KCNMA1: variants seen among roughly 807,000 people sequenced by gnomAD.
KCNMA1 encodes potassium calcium-activated channel subfamily M alpha 1, also known as Calcium-activated potassium channel subunit alpha-1.
KCNMA1 carries 29 observed loss-of-function variants against 140.0 expected under a neutral mutation model. The ratio of observed to expected loss-of-function variants is 0.21; its 90% CI spans 0.15 to 0.28. The LOEUF (loss-of-function observed/expected upper bound fraction) is 0.28. KCNMA1 is among the 10% of genes least tolerant of loss of function. KCNMA1 has a pLI of 1.00. For synonymous variants in KCNMA1, 612 were observed against 611.9 expected (o/e 1.00, Z 0.00); for missense variants, 880 against 1,602.2 (o/e 0.55, Z 7.70).
intron 3 of KCNMA1, among the ~76,000 whole-genome samples, chr10:77,187,479 T>C (rs1408357653): frequency 6.6e-6 from 1 of 152,238 alleles, no homozygotes; most frequent in Non-Finnish European, 1.5e-5. Context: ...TCCTTTTCTC[T>C]AATCCTTTCA....
At chr10:77,017,087 A>T (rs1375607881) in intron 17 of KCNMA1, among the ~76,000 whole-genome samples, 1 of 152,200 alleles carries the variant, frequency 6.6e-6, no homozygotes, top group African/African-American at 2.4e-5. Context: ...TGTATTTGTG[A>T]ATACCATAAA....
intron 8 of KCNMA1, among the ~76,000 whole-genome samples, chr10:77,109,434 A>G (rs1173674949): frequency 2.0e-5 from 3 of 152,196 alleles, no homozygotes; most frequent in African/African-American, 2.4e-5. Flanking sequence ...AAAATGAGCT[A>G]CTTTGAAAGA....
chr10:77,291,295 T>C (rs1022944095), intron 2 of KCNMA1, among the ~76,000 whole-genome samples: 3 of 152,190 alleles, frequency 2.0e-5, no homozygotes, highest in African/African-American at 4.8e-5. Context: ...CTTACGGAAC[T>C]TTGATAAAGT....
chr10:77,545,472 G>A (rs1037637413), intron 1 of KCNMA1, among the ~76,000 whole-genome samples: 1 of 152,184 alleles, frequency 6.6e-6, no homozygotes, highest in African/African-American at 2.4e-5. Flanking sequence ...TGTGGGCTGG[G>A]TGGAGGGGTT....
chr10:76,900,897 A>T (rs773057437), intron 25 of KCNMA1, among the ~76,000 whole-genome samples: 2 of 5,328 alleles, frequency 3.8e-4, no homozygotes, highest in Non-Finnish European at 1.5e-3. Flanking sequence ...CCTATTTGTT[A>T]AAAAAAAAAA....
chr10:77,152,278 T>TTGGGTGTGTGTGTG (rs368106782), intron 5 of KCNMA1, among the ~76,000 whole-genome samples: 2 of 99,120 alleles, frequency 2.0e-5, no homozygotes, highest in Admixed American at 2.0e-4. Flanking sequence ...TTTTTTGCTT[T>TTGGGTGTGTGTGTG]TGTGTGTGTG....
rs1338686416 is a variant in KCNMA1, at chr10:77,340,722, G to A, written c.540+63140C>T. On this transcript the variant is annotated intron_variant, in intron 2 of 27. Transcript: ENST00000286628. ...ACTGGGGCCTGTCGTGGGGTCGGGG[G>A]GAGGGGGCAGGGATAGCATTAGGAG... Among the ~76,000 whole-genome samples, 11 of 151,976 alleles carry A rather than the reference G, an allele frequency of 7.2e-5. 1 individual carries two copies. In the East Asian group the frequency reaches 2.1e-3, roughly 29 times the overall value.
intron 14 of KCNMA1, among the ~76,000 whole-genome samples, chr10:77,072,515 T>G (rs2096251059): frequency 6.7e-6 from 1 of 148,560 alleles, no homozygotes; most frequent in Admixed American, 6.7e-5. Context: ...GACAAGGACA[T>G]GAACACATCC....
At chr10:76,901,875 G>A (rs1397371068) in intron 25 of KCNMA1, 1 of 152,270 alleles carries the variant, frequency 6.6e-6, no homozygotes, top group African/African-American at 2.4e-5. Context: ...TTTGCCAGCA[G>A]ATGCTTTTGC....
At position 77,306,910 on chromosome 10, in the gene KCNMA1, T is replaced by C. The variant is rs16934549; in HGVS notation, c.541-55654A>G. ...TCACTGACCTACTGGCACTTGCAAA[T>C]GCTTTGAATCCAATCTCATTAGCCA... On this transcript the variant is annotated intron_variant, in intron 2 of 27. Coordinates refer to ENST00000286628, the MANE Select transcript of KCNMA1 (RefSeq NM_001161352.2). Among the ~76,000 whole-genome samples the C allele has an allele frequency of 2.3e-3, 344 of 152,308 alleles. 1 individual carries two copies. Among genetic ancestry groups the C allele is most frequent in the African/African-American group, 8.0e-3 (333 of 41,554 alleles).
chr10:76,946,330 T>G (rs2063944602), intron 22 of KCNMA1, among the ~76,000 whole-genome samples: 1 of 152,194 alleles, frequency 6.6e-6, no homozygotes, highest in Admixed American at 6.5e-5. Context: ...GCTTCCTCTT[T>G]GCCTGTGTGG....
intron 1 of KCNMA1, among the ~76,000 whole-genome samples, chr10:77,515,070 G>C: frequency 6.6e-6 from 1 of 152,214 alleles, no homozygotes; most frequent in Middle Eastern, 3.4e-3. Context: ...GAGCTTAAGG[G>C]CTCAAAAGCC....
chr10:77,439,604 C>T (rs1042671152), intron 1 of KCNMA1, among the ~76,000 whole-genome samples: 1 of 152,128 alleles, frequency 6.6e-6, no homozygotes, highest in African/African-American at 2.4e-5. Context: ...CTCCCTAAAC[C>T]CTGAAGGCTA....
At chr10:76,975,606 A>G (rs899794325) in intron 19 of KCNMA1, among the ~76,000 whole-genome samples, 6 of 152,236 alleles carry the variant, frequency 3.9e-5, no homozygotes, top group African/African-American at 1.4e-4. Flanking sequence ...AGCTAGGATC[A>G]GGCAAGCCAG....
At chr10:77,251,085 T>C in intron 3 of KCNMA1, 110 bp downstream of exon 3, 5 of 860,866 alleles carry the variant, frequency 5.8e-6, no homozygotes, top group South Asian at 5.5e-5. Flanking sequence ...CAAAATCTTC[T>C]GCACTCAGAA....
At chr10:77,596,554 G>A (rs545965615) in intron 1 of KCNMA1, among the ~76,000 whole-genome samples, 7 of 152,134 alleles carry the variant, frequency 4.6e-5, no homozygotes, top group East Asian at 1.9e-4. Flanking sequence ...GCAATCAAGC[G>A]CATACCCACA....
At chr10:77,374,773 T>C (rs1230453038) in intron 2 of KCNMA1, among the ~76,000 whole-genome samples, 1 of 152,194 alleles carries the variant, frequency 6.6e-6, no homozygotes, top group Non-Finnish European at 1.5e-5. Flanking sequence ...GAGTCCATTT[T>C]ACCAGCTGGG....
Position 76,953,863 on chromosome 10 carries a change from T to G in KCNMA1, c.2422A>C (p.Lys808Gln), listed in dbSNP as rs2152988550. The stretch of plus-strand genomic sequence containing the variant: ...TGAAACATCCCAGTAGAGTCGTACT[T>G]CTTCACATTGGAGTCCATGTTGTCA... ...QIDNMDSNVKKYDSTGMFHWC... is the reference protein window; with the variant it reads ...QIDNMDSNVKQYDSTGMFHWC... Residue 808 changes from lysine to glutamine, a missense_variant, in exon 21 of 28, where the codon AAG becomes CAG. By Grantham distance (53) the Lys-to-Gln change is moderately conservative. This residue lies in a region of KCNMA1 where 196 missense variants were observed against 233.0 expected (regional missense o/e 0.84). Transcript: ENST00000286628. 1 of 1,614,084 alleles carries G rather than the reference T, an allele frequency of 6.2e-7. No homozygotes were observed. The highest frequency in any genetic ancestry group is 1.1e-5 in the South Asian group (1 of 91,086).
intron 5 of KCNMA1, among the ~76,000 whole-genome samples, chr10:77,170,659 T>A (rs2098696174): frequency 6.6e-6 from 1 of 152,140 alleles, no homozygotes; most frequent in African/African-American, 2.4e-5. Context: ...CCTTCCCTAA[T>A]CTCCAACACA....
Sources: allele counts gnomAD v4.1 joint callset (sites outside exome capture counted in the v4.1 genomes callset), GRCh38; gene constraint gnomAD v4.1.1; regional missense constraint gnomAD v4.1.1; transcripts MANE v1.5; gene names NCBI Gene and HGNC (gene_info 2026-07-23, HGNC 2026-07-21).